SLC2A13: variants seen among roughly 807,000 people sequenced by gnomAD.
SLC2A13 encodes the protein proton myo-inositol cotransporter.
Under a neutral mutation model 64.4 loss-of-function variants are expected in SLC2A13, and 32 were observed. That is an observed-to-expected ratio of 0.50 (90% CI 0.37 to 0.67). The LOEUF is 0.67. Among genes scored for constraint, SLC2A13 ranks in the 30% least tolerant of loss-of-function variants. SLC2A13 has a pLI of 0.00. For missense variants in SLC2A13, 743 were observed against 829.2 expected (o/e 0.90, Z 1.28); for synonymous variants, 338 against 327.1 (o/e 1.03, Z -0.36).
intron 2 of SLC2A13, among the ~76,000 whole-genome samples, chr12:40,035,874 G>A (rs1038400515): frequency 7.9e-5 from 12 of 152,170 alleles, no homozygotes; most frequent in East Asian, 1.9e-4. Flanking sequence ...ATGTGATATC[G>A]TTGAAATCAA....
intron 3 of SLC2A13, among the ~76,000 whole-genome samples, chr12:39,992,860 C>T (rs1055752818): frequency 6.6e-6 from 1 of 152,146 alleles, no homozygotes; most frequent in Non-Finnish European, 1.5e-5. Flanking sequence ...AATCAAATTA[C>T]TACCATTTTC....
chr12:40,099,665 T>C (rs1423215016), intron 1 of SLC2A13, among the ~76,000 whole-genome samples: 1 of 152,226 alleles, frequency 6.6e-6, no homozygotes, highest in African/African-American at 2.4e-5. Flanking sequence ...AGGGTGTTGC[T>C]ATACTACTAG....
At chr12:39,932,825 A>T (rs1471616919) in intron 4 of SLC2A13, among the ~76,000 whole-genome samples, 2 of 150,784 alleles carry the variant, frequency 1.3e-5, no homozygotes, top group African/African-American at 4.9e-5. Context: ...TTTGAGAAAC[A>T]TGAAAGAAAA....
chr12:39,785,487 C>A (rs765485048), intron 7 of SLC2A13, among the ~76,000 whole-genome samples: 3 of 152,174 alleles, frequency 2.0e-5, no homozygotes, highest in Non-Finnish European at 4.4e-5. Context: ...AGGGGCGAGG[C>A]CCTCATGGAG....
chr12:39,938,083 G>A (rs1379229259), intron 4 of SLC2A13, among the ~76,000 whole-genome samples: 1 of 152,118 alleles, frequency 6.6e-6, no homozygotes, highest in African/African-American at 2.4e-5. Flanking sequence ...GATTAACGGT[G>A]GGATGTTTCT....
At chr12:40,001,693 T>A (rs957174475) in intron 3 of SLC2A13, among the ~76,000 whole-genome samples, 11 of 152,192 alleles carry the variant, frequency 7.2e-5, no homozygotes, top group African/African-American at 2.4e-4. Flanking sequence ...GAAACTATGA[T>A]CTTGCAAAAT....
intron 3 of SLC2A13, among the ~76,000 whole-genome samples, chr12:39,974,885 T>C (rs1330228704): frequency 6.6e-6 from 1 of 152,224 alleles, no homozygotes; most frequent in Non-Finnish European, 1.5e-5. Context: ...CAGGCAAAAT[T>C]CTTTTCTATT....
intron 1 of SLC2A13, among the ~76,000 whole-genome samples, chr12:40,092,980 T>C (rs1405507936): frequency 2.0e-5 from 3 of 152,244 alleles, no homozygotes; most frequent in Non-Finnish European, 4.4e-5. Flanking sequence ...ACATGTGGAA[T>C]AGATATATCC....
At chr12:39,982,967 T>C (rs905611579) in intron 3 of SLC2A13, among the ~76,000 whole-genome samples, 1 of 141,580 alleles carries the variant, frequency 7.1e-6, no homozygotes, top group South Asian at 2.4e-4. Flanking sequence ...ATGGTACTGG[T>C]ACCAAAACAG....
At chr12:39,988,006 G>A (rs917519897) in intron 3 of SLC2A13, among the ~76,000 whole-genome samples, 1 of 151,992 alleles carries the variant, frequency 6.6e-6, no homozygotes, top group Non-Finnish European at 1.5e-5. Flanking sequence ...TCTTTGCCTT[G>A]GTCTGAACTT....
At chr12:39,938,789 A>C (rs1033037334) in intron 4 of SLC2A13, among the ~76,000 whole-genome samples, 1 of 151,854 alleles carries the variant, frequency 6.6e-6, no homozygotes, top group African/African-American at 2.4e-5. Context: ...ATATTTGGAG[A>C]CAGGATTTTT....
At chr12:39,826,153 G>T (rs995348591) in intron 7 of SLC2A13, among the ~76,000 whole-genome samples, 6 of 152,004 alleles carry the variant, frequency 3.9e-5, no homozygotes, top group Non-Finnish European at 8.8e-5. Context: ...TAAATTTTCA[G>T]AAGTGTTCCA....
At chr12:39,838,424 T>C (rs1055910088) in intron 6 of SLC2A13, among the ~76,000 whole-genome samples, 8 of 147,026 alleles carry the variant, frequency 5.4e-5, no homozygotes, top group Admixed American at 2.0e-4. Context: ...CGCACCAGCA[T>C]GGCACATGTA....
intron 4 of SLC2A13, among the ~76,000 whole-genome samples, chr12:39,925,209 T>C (rs140990380): frequency 4.2e-4 from 64 of 152,012 alleles, no homozygotes; most frequent in African/African-American, 1.4e-3. Context: ...TTTTGTACTT[T>C]TTTTCTGTAG....
chr12:39,962,703 A>AG (rs1478186847), intron 3 of SLC2A13, among the ~76,000 whole-genome samples: 3 of 152,212 alleles, frequency 2.0e-5, no homozygotes, highest in African/African-American at 7.2e-5. Context: ...ATTATATGCA[A>AG]GGAAAAAAAG....
intron 7 of SLC2A13, among the ~76,000 whole-genome samples, chr12:39,779,338 A>G (rs1223638935): frequency 4.6e-5 from 7 of 152,164 alleles, no homozygotes; most frequent in Admixed American, 4.6e-4. Context: ...CCCAAGTTCC[A>G]ATTGAGAGAA....
chr12:39,795,437 T>C (rs1941543533), intron 7 of SLC2A13, among the ~76,000 whole-genome samples: 1 of 152,212 alleles, frequency 6.6e-6, no homozygotes. Context: ...TTAAATATCT[T>C]AAACACAGTG....
chr12:39,858,407 C>CA (rs908066690), intron 6 of SLC2A13, among the ~76,000 whole-genome samples: 6 of 151,434 alleles, frequency 4.0e-5, no homozygotes, highest in African/African-American at 1.2e-4. Context: ...GCCACCATGC[C>CA]AAAAAAATTG....
At position 39,755,949 on chromosome 12, in the gene SLC2A13, C is replaced by G. The variant is rs1417099394; in HGVS notation, c.*4077G>C. 1 of 151,930 alleles carries G rather than the reference C, an allele frequency of 6.6e-6. No individual in the cohort carries two copies. The highest frequency in any genetic ancestry group is 1.5e-5 in the Non-Finnish European group (1 of 67,802). 9.4% of individuals were successfully genotyped at this position (151,930 alleles called of 1,614,324 possible). On this transcript the variant is annotated 3_prime_UTR_variant, in exon 10 of 10. Transcript: ENST00000280871. ...ACAAAAATTTCCTTCTCTAAAGAGACAAGATACAAGAAAGAGTTGGTAGCA... is the reference window on the plus strand; with the variant it reads ...ACAAAAATTTCCTTCTCTAAAGAGAGAAGATACAAGAAAGAGTTGGTAGCA...
Sources: gnomAD v4.1 joint callset for allele counts (sites outside exome capture counted in the v4.1 genomes callset) on GRCh38, gnomAD v4.1.1 for gene constraint, MANE v1.5 for transcripts, NCBI Gene and HGNC (gene_info 2026-07-23, HGNC 2026-07-21) for gene names.